PEBP4: variants seen among roughly 807,000 people sequenced by gnomAD.
PEBP4 encodes phosphatidylethanolamine binding protein 4, also known as phosphatidylethanolamine-binding protein 4.
In PEBP4, 22 loss-of-function variants were observed where a neutral mutation model predicts 23.9. The observed-to-expected ratio is 0.92, with a 90% CI of 0.66 to 1.31. The LOEUF (loss-of-function observed/expected upper bound fraction) is 1.31. PEBP4 is among the 40% of genes most tolerant of loss of function. The probability of loss-of-function intolerance (pLI) is 0.00; values close to 1 mark genes in which losing one functional copy is unlikely to be tolerated. For missense variants in PEBP4, 324 were observed against 281.7 expected (o/e 1.15, Z -1.07); for synonymous variants, 112 against 99.3 (o/e 1.13, Z -0.76).
intron 4 of PEBP4, among the ~76,000 whole-genome samples, chr8:22,769,928 C>T (rs912595629): frequency 3.9e-5 from 6 of 152,158 alleles, no homozygotes; most frequent in African/African-American, 1.4e-4. Flanking sequence ...TGCTCAGGAA[C>T]CTGCATCTCC....
intron 3 of PEBP4, among the ~76,000 whole-genome samples, chr8:22,904,912 G>A (rs766270973): frequency 6.6e-5 from 10 of 151,826 alleles, no homozygotes; most frequent in East Asian, 1.9e-4. Context: ...TTTCTTTCCC[G>A]CTATTTTAAA....
At chr8:22,893,043 G>A (rs1409609652) in intron 3 of PEBP4, among the ~76,000 whole-genome samples, 2 of 152,160 alleles carry the variant, frequency 1.3e-5, no homozygotes, top group East Asian at 3.8e-4. Context: ...CTTCAGATGA[G>A]TACAGATCAG....
intron 4 of PEBP4, among the ~76,000 whole-genome samples, chr8:22,743,178 G>T (rs887326910): frequency 6.6e-6 from 1 of 152,160 alleles, no homozygotes; most frequent in South Asian, 2.1e-4. Flanking sequence ...CTCCCCTTGG[G>T]CTGCCCAGCT....
intron 4 of PEBP4, among the ~76,000 whole-genome samples, chr8:22,759,525 G>T (rs1805461186): frequency 6.6e-6 from 1 of 152,064 alleles, no homozygotes; most frequent in Non-Finnish European, 1.5e-5. Flanking sequence ...AGAGGTGCCC[G>T]CTCCGTCTCA....
At chr8:22,851,259 G>A (rs1316549867) in intron 3 of PEBP4, among the ~76,000 whole-genome samples, 2 of 152,130 alleles carry the variant, frequency 1.3e-5, no homozygotes, top group African/African-American at 4.8e-5. Context: ...CGAAAGACCC[G>A]GAGCCCAAAG....
In PEBP4 at chr8:22,771,444, G is replaced by A. The variant is rs1325551829; in HGVS notation, c.358-44224C>T. On this transcript the variant is annotated intron_variant, in intron 4 of 6. Coordinates refer to ENST00000256404, the MANE Select transcript of PEBP4 (RefSeq NM_144962.3). ...GTGGAGGTTGCAGCGAGCTGAGATCGTGCCATTGCACTCCAGCCTGGGTGA... is the reference window on the plus strand; with the variant it reads ...GTGGAGGTTGCAGCGAGCTGAGATCATGCCATTGCACTCCAGCCTGGGTGA... Among the ~76,000 whole-genome samples, 10 of 152,256 alleles carry A rather than the reference G, an allele frequency of 6.6e-5. No individual in the cohort carries two copies. The South Asian group carries it at 1.9e-3, about 28-fold the overall frequency.
chr8:22,844,600 C>G (rs1807389743), intron 3 of PEBP4, among the ~76,000 whole-genome samples: 1 of 152,212 alleles, frequency 6.6e-6, no homozygotes, highest in Non-Finnish European at 1.5e-5. Flanking sequence ...TTTCACTTAA[C>G]TGTGTTCTCT....
chr8:22,847,808 A>G (rs1807468941), intron 3 of PEBP4, among the ~76,000 whole-genome samples: 1 of 152,124 alleles, frequency 6.6e-6, no homozygotes, highest in Non-Finnish European at 1.5e-5. Context: ...AACCCTGCTC[A>G]ACCCCAGCCC....
intron 4 of PEBP4, among the ~76,000 whole-genome samples, chr8:22,791,137 A>G (rs1806128252): frequency 6.6e-6 from 1 of 151,848 alleles, no homozygotes; most frequent in African/African-American, 2.4e-5. Flanking sequence ...CAACCTCCCC[A>G]CCCCAGACAC....
intron 3 of PEBP4, among the ~76,000 whole-genome samples, chr8:22,841,458 G>A (rs1807328183): frequency 6.6e-6 from 1 of 152,230 alleles, no homozygotes; most frequent in Non-Finnish European, 1.5e-5. Context: ...ACAGCTTAGG[G>A]ACAACAACTA....
intron 3 of PEBP4, among the ~76,000 whole-genome samples, chr8:22,837,557 CT>C (rs1342829304): frequency 6.6e-6 from 1 of 152,232 alleles, no homozygotes; most frequent in Non-Finnish European, 1.5e-5. Flanking sequence ...GCACCTCTAG[CT>C]GTCAGTTAGC....
At chr8:22,900,848 C>G (rs1456823312) in intron 3 of PEBP4, among the ~76,000 whole-genome samples, 2 of 152,032 alleles carry the variant, frequency 1.3e-5, no homozygotes, top group Non-Finnish European at 2.9e-5. Flanking sequence ...AAACTAGGCA[C>G]TTCACTCACA....
intron 4 of PEBP4, among the ~76,000 whole-genome samples, chr8:22,808,079 C>T (rs1252011131): frequency 1.3e-5 from 2 of 152,102 alleles, no homozygotes; most frequent in Non-Finnish European, 1.5e-5. Context: ...ATCCACCTAT[C>T]CAACCTCTAT....
At chr8:22,819,396 C>T (rs1806811314) in intron 3 of PEBP4, among the ~76,000 whole-genome samples, 1 of 152,144 alleles carries the variant, frequency 6.6e-6, no homozygotes, top group Non-Finnish European at 1.5e-5. Context: ...TCACTGTTAT[C>T]ACGATAAGAC....
At chr8:22,907,173 A>G (rs1808834113) in intron 3 of PEBP4, among the ~76,000 whole-genome samples, 1 of 152,182 alleles carries the variant, frequency 6.6e-6, no homozygotes, top group Non-Finnish European at 1.5e-5. Context: ...AGAAACAGAA[A>G]GGAGGCTGGG....
At chr8:22,716,281 T>C (rs576036693) in intron 6 of PEBP4, among the ~76,000 whole-genome samples, 1 of 152,320 alleles carries the variant, frequency 6.6e-6, no homozygotes, top group South Asian at 2.1e-4. Context: ...CATAGCCAGA[T>C]GCAGCAGTCC....
At chr8:22,763,982 T>C (rs1805561273) in intron 4 of PEBP4, among the ~76,000 whole-genome samples, 2 of 152,224 alleles carry the variant, frequency 1.3e-5, no homozygotes, top group East Asian at 3.8e-4. Context: ...ACGTGTAATT[T>C]GTCTTCGGAG....
chr8:22,937,510 C>G (rs915962643), intron 1 of PEBP4, among the ~76,000 whole-genome samples: 1 of 151,994 alleles, frequency 6.6e-6, no homozygotes, highest in African/African-American at 2.4e-5. Context: ...CAAAGTTACT[C>G]AAAGTGACCT....
intron 3 of PEBP4, among the ~76,000 whole-genome samples, chr8:22,893,704 G>GTGA (rs1808539788): frequency 3.3e-5 from 5 of 152,068 alleles, no homozygotes; most frequent in African/African-American, 1.2e-4. Context: ...TACAGAATAA[G>GTGA]ATATTAGTGA....
Sources: gnomAD v4.1 joint callset for allele counts (sites outside exome capture counted in the v4.1 genomes callset) on GRCh38, gnomAD v4.1.1 for gene constraint, MANE v1.5 for transcripts, NCBI Gene and HGNC (gene_info 2026-07-23, HGNC 2026-07-21) for gene names.